Variants in ATP1B4 observed in about 807,000 individuals in gnomAD.
ATP1B4 encodes protein ATP1B4.
Under a neutral mutation model 29.6 loss-of-function variants are expected in ATP1B4, and 32 were observed. The observed-to-expected ratio is 1.08, with a 90% CI of 0.82 to 1.45. The LOEUF is 1.45. ATP1B4 is among the 40% of genes most tolerant of loss of function. The pLI is 0.00. For synonymous variants in ATP1B4, 127 were observed against 102.1 expected (o/e 1.24, Z -1.47); for missense variants, 323 against 276.2 (o/e 1.17, Z -1.20).
chrX:120,370,224 T>C (rs1046764941), intron 2 of ATP1B4, among the ~76,000 whole-genome samples: 1 of 112,102 alleles, frequency 8.9e-6, no homozygotes, highest in Non-Finnish European at 1.9e-5. Context: ...TTTGCCTTGA[T>C]TGGAGGCAAG....
intron 4 of ATP1B4, among the ~76,000 whole-genome samples, chrX:120,373,579 A>ACC (rs1321828685): frequency 1.8e-5 from 2 of 112,232 alleles, no homozygotes; most frequent in African/African-American, 6.5e-5. Context: ...ATCATTTAGA[A>ACC]TCAAATTGGA....
chrX:120,366,013 G>A (rs777876685), intron 1 of ATP1B4, among the ~76,000 whole-genome samples: 9 of 111,899 alleles, frequency 8.0e-5, no homozygotes, highest in African/African-American at 2.3e-4. Context: ...ACAGCAGTTG[G>A]CCTCTCCTCC....
chrX:120,368,360 C>T (rs767514053), intron 2 of ATP1B4, among the ~76,000 whole-genome samples: 2 of 111,851 alleles, frequency 1.8e-5, no homozygotes, highest in Non-Finnish European at 3.8e-5. Context: ...ACAAGGTGCC[C>T]GCTTGTGCAC....
intron 1 of ATP1B4, among the ~76,000 whole-genome samples, chrX:120,362,774 G>A (rs1327128122): frequency 8.9e-6 from 1 of 112,037 alleles, no homozygotes; most frequent in African/African-American, 3.2e-5. Flanking sequence ...TTACCTAAAG[G>A]AGGCTGCTGT....
chrX:120,371,550 G>A (rs928391738), intron 4 of ATP1B4, among the ~76,000 whole-genome samples: 3 of 111,878 alleles, frequency 2.7e-5, no homozygotes, highest in African/African-American at 9.8e-5. Flanking sequence ...AATTCTTGGG[G>A]GAGATAGTGG....
At chrX:120,366,094 G>A (rs962859720) in intron 1 of ATP1B4, among the ~76,000 whole-genome samples, 1 of 111,809 alleles carries the variant, frequency 8.9e-6, no homozygotes, top group Non-Finnish European at 1.9e-5. Flanking sequence ...TGTGTACAGG[G>A]TGTTAGGATA....
chrX:120,362,732 A>G (rs2058268429), intron 1 of ATP1B4, among the ~76,000 whole-genome samples: 2 of 111,704 alleles, frequency 1.8e-5, no homozygotes, highest in African/African-American at 6.5e-5. Context: ...AGCAGGGAGG[A>G]ATCCTAGACA....
intron 4 of ATP1B4, among the ~76,000 whole-genome samples, chrX:120,372,193 C>T (rs185115546): frequency 5.5e-4 from 62 of 111,884 alleles, no homozygotes; most frequent in African/African-American, 2.0e-3. Flanking sequence ...GTTCTTTATG[C>T]AGCTATCAAA....
At chrX:120,362,843 A>G (rs1020809611) in intron 1 of ATP1B4, among the ~76,000 whole-genome samples, 1 of 111,966 alleles carries the variant, frequency 8.9e-6, no homozygotes, top group Non-Finnish European at 1.9e-5. Context: ...AAAATGCAAT[A>G]TCCTCACTGC....
chrX:120,378,975 T>C (rs375305217), intron 7 of ATP1B4, among the ~76,000 whole-genome samples: 1 of 111,207 alleles, frequency 9.0e-6, no homozygotes, highest in Non-Finnish European at 1.9e-5. Flanking sequence ...ATGGCCTAAT[T>C]TAACCTTTTA....
At chrX:120,364,934 C>T (rs967560992) in intron 1 of ATP1B4, among the ~76,000 whole-genome samples, 2 of 111,440 alleles carry the variant, frequency 1.8e-5, no homozygotes, top group African/African-American at 6.5e-5. Flanking sequence ...CTCAGGCTGT[C>T]ATCAAACTCC....
chrX:120,380,240 C>A lies in ATP1B4; in HGVS notation c.*606C>A, dbSNP rs1480932748. On this transcript the variant is annotated 3_prime_UTR_variant, in exon 8 of 8. Coordinates refer to ENST00000218008, the MANE Select transcript of ATP1B4 (RefSeq NM_001142447.3). ...TGTCTCTGAAGAAAAAAAAAACCTG[C>A]CTGGCAAGGTCCTTCCCTGGGAATC... 1 of 110,616 alleles carries A rather than the reference C, an allele frequency of 9.0e-6. No individual in the cohort carries two copies. Among genetic ancestry groups the A allele is most frequent in the African/African-American group, 3.3e-5 (1 of 30,264 alleles). 9.1% of individuals were successfully genotyped at this position (110,616 alleles called of 1,213,427 possible).
At chrX:120,379,017 A>G (rs1410065976) in intron 7 of ATP1B4, among the ~76,000 whole-genome samples, 2 of 111,367 alleles carry the variant, frequency 1.8e-5, no homozygotes, top group Non-Finnish European at 3.8e-5. Context: ...GGGTTCAGAG[A>G]CAGAAAGTGA....
Position 120,362,207 on chromosome X carries a change from T to C in ATP1B4, c.39T>C (p.Phe13=), listed in dbSNP as rs1569352054. Reference sequence around the variant, plus strand: ...TCCGGTCCAGAAGGGCTCCATCCTTTCCTTACAGTTATCGCTACAGACTCG... The same window carrying C: ...TCCGGTCCAGAAGGGCTCCATCCTTCCCTTACAGTTATCGCTACAGACTCG... ...RQLRSRRAPS[F]PYSYRYRLDD... The change falls in exon 1 of 8, where the codon TTT becomes TTC. Residue 13 remains phenylalanine (F), a synonymous_variant. Coordinates refer to ENST00000218008, the MANE Select transcript of ATP1B4 (RefSeq NM_001142447.3). 5.0e-6 allele frequency: 6 copies of C among 1,209,408 alleles called. No individual in the cohort carries two copies. Among genetic ancestry groups the C allele is most frequent in the Non-Finnish European group, 5.6e-6 (5 of 894,932 alleles).
intron 1 of ATP1B4, among the ~76,000 whole-genome samples, chrX:120,365,991 T>C (rs1033391098): frequency 8.9e-6 from 1 of 111,886 alleles, no homozygotes; most frequent in Admixed American, 9.5e-5. Context: ...AGGCTAAGTT[T>C]TGAGGAGGGG....
At chrX:120,378,532 G>C in intron 6 of ATP1B4, 146 bp from the exon 7 acceptor site, 1 of 530,998 alleles carries the variant, frequency 1.9e-6, no homozygotes, top group Non-Finnish European at 3.3e-6. Flanking sequence ...TCACGGCTGA[G>C]CTCTGCTCCA....
In ATP1B4 at chrX:120,381,755, A is replaced by G. The variant is rs535480979; in HGVS notation, c.*2121A>G. ...CGTGAGCCACCGCACCCGGCTTGCA[A>G]TTTAGAAAGGGCACTTGGCAACCAC... On this transcript the variant is annotated 3_prime_UTR_variant, in exon 8 of 8. Transcript: ENST00000218008. 1 of 112,323 alleles carries G rather than the reference A, an allele frequency of 8.9e-6. No homozygotes were observed. Among genetic ancestry groups the G allele is most frequent in the Admixed American group, 9.4e-5 (1 of 10,608 alleles). The allele number at this position is 112,323 out of a possible 1,213,427, so 9.3% of individuals were successfully genotyped here. A position where few individuals can be genotyped will look rare whatever the true frequency, so the allele number is the denominator to read the frequency against.
intron 4 of ATP1B4, among the ~76,000 whole-genome samples, chrX:120,373,980 T>G (rs2147253384): frequency 9.3e-6 from 1 of 107,749 alleles, no homozygotes; most frequent in East Asian, 3.0e-4. Context: ...TACTTCTCAC[T>G]CTTACAATCA....
intron 5 of ATP1B4, 52 bp from the exon 6 acceptor site, chrX:120,376,327 CT>C: frequency 1.8e-6 from 2 of 1,140,263 alleles, no homozygotes; most frequent in Non-Finnish European, 1.2e-6. Flanking sequence ...CAATTTTTTA[CT>C]GTCAAATATG....
Sources: allele counts gnomAD v4.1 joint callset (sites outside exome capture counted in the v4.1 genomes callset), GRCh38; gene constraint gnomAD v4.1.1; transcripts MANE v1.5; gene names NCBI Gene and HGNC (gene_info 2026-07-23, HGNC 2026-07-21).